The following CSNK1G3 variants were observed in gnomAD, a reference collection of about 807,000 sequenced individuals.
CSNK1G3 encodes the protein casein kinase 1 gamma 3.
Under a neutral mutation model 64.3 loss-of-function variants are expected in CSNK1G3, and 23 were observed. That is an observed-to-expected ratio of 0.36 (90% CI 0.26 to 0.51). The LOEUF is 0.51. CSNK1G3 is among the 20% of genes least tolerant of loss of function. The probability of loss-of-function intolerance (pLI) is 0.96; values close to 1 mark genes in which losing one functional copy is unlikely to be tolerated. For synonymous variants in CSNK1G3, 158 were observed against 162.2 expected, an observed-to-expected ratio of 0.97 and a Z score of 0.20; for missense variants, 357 against 510.5, an observed-to-expected ratio of 0.70 and a Z score of 2.90.
rs189937021 is a variant in CSNK1G3 at position 123,585,516 on chromosome 5, A to G, written c.674-2552A>G. ...AATTTCTTTTAAACATACTCTTAAG[A>G]AAACAAAAAAATAGCAAGCTGTTTT... On this transcript the variant is annotated intron_variant, in intron 6 of 12. Coordinates refer to ENST00000345990, the Ensembl canonical transcript of CSNK1G3. Among the ~76,000 whole-genome samples, 238 of 152,314 alleles carry G rather than the reference A, an allele frequency of 1.6e-3. 2 individuals are homozygous for G. Among genetic ancestry groups the G allele is most frequent in the African/African-American group, 5.6e-3 (232 of 41,570 alleles).
intron 1 of CSNK1G3, among the ~76,000 whole-genome samples, chr5:123,515,940 G>T (rs1294059835): frequency 6.6e-6 from 1 of 152,158 alleles, no homozygotes; most frequent in Non-Finnish European, 1.5e-5. Context: ...GTCTTCTAGA[G>T]TTTAAATAAT....
At chr5:123,527,278 T>C (rs1258563123) in intron 1 of CSNK1G3, among the ~76,000 whole-genome samples, 2 of 152,188 alleles carry the variant, frequency 1.3e-5, no homozygotes, top group Non-Finnish European at 2.9e-5. Context: ...GGAGAAAAAC[T>C]AGGCTTTTAA....
intron 1 of CSNK1G3, among the ~76,000 whole-genome samples, chr5:123,530,540 C>A (rs1344664553): frequency 6.6e-6 from 1 of 152,046 alleles, no homozygotes; most frequent in Non-Finnish European, 1.5e-5. Context: ...TATGTACTTT[C>A]CATTTTCTTT....
intron 10 of CSNK1G3, among the ~76,000 whole-genome samples, chr5:123,603,344 T>C (rs1794805204): frequency 6.6e-6 from 1 of 152,008 alleles, no homozygotes; most frequent in African/African-American, 2.4e-5. Context: ...AACAAGAGAA[T>C]TTGGGAGAAT....
intron 3 of CSNK1G3, among the ~76,000 whole-genome samples, chr5:123,555,478 T>C (rs1006603090): frequency 2.6e-5 from 4 of 152,226 alleles, no homozygotes; most frequent in Non-Finnish European, 2.9e-5. Context: ...TTTTATACTT[T>C]GCTCGGTACA....
At chr5:123,535,676 A>C (rs1212405874) in intron 1 of CSNK1G3, among the ~76,000 whole-genome samples, 2 of 152,148 alleles carry the variant, frequency 1.3e-5, no homozygotes, top group Non-Finnish European at 2.9e-5. Flanking sequence ...TGTCATCTAC[A>C]TCTTTTATTA....
intron 1 of CSNK1G3, among the ~76,000 whole-genome samples, chr5:123,527,824 T>C (rs1382036741): frequency 1.3e-5 from 2 of 152,198 alleles, no homozygotes; most frequent in African/African-American, 4.8e-5. Flanking sequence ...TACCAAAATA[T>C]ATTTTATTTT....
intron 4 of CSNK1G3, among the ~76,000 whole-genome samples, chr5:123,568,786 T>C (rs1398713156): frequency 1.3e-5 from 2 of 152,202 alleles, no homozygotes; most frequent in African/African-American, 4.8e-5. Flanking sequence ...TGATGTTGCA[T>C]GTTGTTTCCA....
chr5:123,515,627 A>G lies in CSNK1G3; in HGVS notation c.-248+3057A>G, dbSNP rs1255596117. Among the ~76,000 whole-genome samples, 3 of 152,184 alleles carry G rather than the reference A, an allele frequency of 2.0e-5. No individual in the cohort carries two copies. In the South Asian group the frequency reaches 6.2e-4, roughly 31 times the overall value. ...AAATAATGTAACCCCACACTTAATC[A>G]TTATCAAAGGAGTGCTTAGAAAAAA... On this transcript the variant is annotated intron_variant, in intron 1 of 12. Coordinates refer to ENST00000345990, the Ensembl canonical transcript of CSNK1G3.
At chr5:123,541,343 C>T (rs2407781) in intron 1 of CSNK1G3, among the ~76,000 whole-genome samples, 91,745 of 152,048 alleles carry the variant, frequency 0.6, 28,945 homozygotes, top group African/African-American at 0.79. Flanking sequence ...AATAATAATA[C>T]AGCCTCACAA....
At chr5:123,602,072 A>C (rs773079508) in intron 10 of CSNK1G3, among the ~76,000 whole-genome samples, 1 of 152,156 alleles carries the variant, frequency 6.6e-6, no homozygotes, top group Non-Finnish European at 1.5e-5. Flanking sequence ...AAGAGAAAAA[A>C]TTTACAGTTC....
intron 6 of CSNK1G3, among the ~76,000 whole-genome samples, chr5:123,586,110 T>C (rs968510939): frequency 2.0e-5 from 3 of 152,210 alleles, no homozygotes; most frequent in African/African-American, 7.2e-5. Context: ...TAATGAGCTA[T>C]GGTTGCACGT....
chr5:123,566,277 T>C (rs940948397), intron 4 of CSNK1G3, among the ~76,000 whole-genome samples: 1 of 152,228 alleles, frequency 6.6e-6, no homozygotes, highest in African/African-American at 2.4e-5. Flanking sequence ...TTTTCAAATA[T>C]GTGAATTTTG....
At chr5:123,580,837 T>C (rs1217280038) in intron 6 of CSNK1G3, among the ~76,000 whole-genome samples, 1 of 151,954 alleles carries the variant, frequency 6.6e-6, no homozygotes, top group Non-Finnish European at 1.5e-5. Context: ...TAAATTTTTA[T>C]TGATTATTCA....
At chr5:123,562,689 A>G (rs926329909) in intron 4 of CSNK1G3, among the ~76,000 whole-genome samples, 12 of 152,082 alleles carry the variant, frequency 7.9e-5, no homozygotes, top group Non-Finnish European at 1.2e-4. Flanking sequence ...GTATTATCCT[A>G]TGATTAGGTA....
intron 4 of CSNK1G3, among the ~76,000 whole-genome samples, chr5:123,566,154 C>T (rs1362970255): frequency 1.3e-5 from 2 of 152,164 alleles, no homozygotes; most frequent in Non-Finnish European, 2.9e-5. Flanking sequence ...TTAATAGTTT[C>T]TGTGTATTAC....
intron 1 of CSNK1G3, among the ~76,000 whole-genome samples, chr5:123,542,968 C>CT (rs1781927199): frequency 6.7e-6 from 1 of 150,144 alleles, no homozygotes; most frequent in African/African-American, 2.4e-5. Flanking sequence ...AAATAGGACT[C>CT]TAACAGCTAT....
chr5:123,553,064 A>C (rs1211152830), intron 2 of CSNK1G3, 43 bp from the exon 3 acceptor site: 1 of 1,117,134 alleles, frequency 9.0e-7, no homozygotes, highest in Non-Finnish European at 1.3e-6. Flanking sequence ...TGTATCTTTA[A>C]AATCAATTAC....
intron 9 of CSNK1G3, among the ~76,000 whole-genome samples, 184 bp from the exon 10 acceptor site, chr5:123,591,135 G>T (rs1013525532): frequency 9.2e-5 from 14 of 152,050 alleles, no homozygotes; most frequent in Admixed American, 2.6e-4. Flanking sequence ...TAAAAAGTAG[G>T]TATATTCTTT....
Sources: gnomAD v4.1 joint callset for allele counts (sites outside exome capture counted in the v4.1 genomes callset) on GRCh38, gnomAD v4.1.1 for gene constraint, MANE v1.5 for transcripts, NCBI Gene and HGNC (gene_info 2026-07-23, HGNC 2026-07-21) for gene names.